Variants in WDPCP observed in about 807,000 individuals in gnomAD.
The protein encoded by WDPCP is WD repeat containing planar cell polarity effector.
A neutral mutation model predicts 93.1 loss-of-function variants in WDPCP; 71 were observed. The observed-to-expected ratio is 0.76, with a 90% CI of 0.63 to 0.93. The LOEUF (loss-of-function observed/expected upper bound fraction) is 0.93. Ranked by LOEUF, WDPCP falls within the 40% of genes least tolerant of loss-of-function variation. WDPCP has a pLI of 0.00. For missense variants in WDPCP, 844 were observed against 887.4 expected (o/e 0.95, Z 0.62); for synonymous variants, 315 against 315.0 (o/e 1.00, Z 0.00).
At chr2:63,381,184 CTT>C (rs2104890140) in intron 11 of WDPCP, among the ~76,000 whole-genome samples, 1 of 152,146 alleles carries the variant, frequency 6.6e-6, no homozygotes, top group Non-Finnish European at 1.5e-5. Flanking sequence ...AAGTAAATAA[CTT>C]ATAAGAAAAA....
At chr2:63,147,849 A>G (rs1671626589) in intron 17 of WDPCP, among the ~76,000 whole-genome samples, 2 of 151,594 alleles carry the variant, frequency 1.3e-5, no homozygotes, top group African/African-American at 4.8e-5. Flanking sequence ...CGTGCCTGTT[A>G]TCTCAGCTAC....
intron 2 of WDPCP, among the ~76,000 whole-genome samples, chr2:63,746,800 T>C (rs372914100): frequency 1.3e-5 from 2 of 152,196 alleles, no homozygotes; most frequent in South Asian, 4.1e-4. Context: ...CAGCGGGACA[T>C]GGAAGTTCAT....
chr2:63,179,289 G>T (rs778013033), intron 14 of WDPCP, among the ~76,000 whole-genome samples: 19 of 151,736 alleles, frequency 1.3e-4, no homozygotes, highest in Admixed American at 3.3e-4. Flanking sequence ...GGCTATACAT[G>T]CATGATGCTG....
chr2:63,591,915 T>C (rs1231761299), upstream of WDPCP, among the ~76,000 whole-genome samples: 1 of 152,230 alleles, frequency 6.6e-6, no homozygotes, highest in African/African-American at 2.4e-5. Context: ...GCTATTATTA[T>C]CTCCATTTTA....
At chr2:63,656,117 C>G (rs548973188) in intron 2 of WDPCP, among the ~76,000 whole-genome samples, 1 of 152,178 alleles carries the variant, frequency 6.6e-6, no homozygotes, top group Admixed American at 6.5e-5. Flanking sequence ...ACTTAGAATG[C>G]AGGTACTTGG....
chr2:63,346,065 A>T (rs1689170635), intron 12 of WDPCP, among the ~76,000 whole-genome samples: 1 of 152,168 alleles, frequency 6.6e-6, no homozygotes, highest in African/African-American at 2.4e-5. Context: ...CTGGAATGGA[A>T]AACTGGGTAA....
chr2:63,644,090 T>C (rs2106634510), intron 3 of WDPCP: 1 of 352,414 alleles, frequency 2.8e-6, no homozygotes, highest in Non-Finnish European at 5.6e-6. Context: ...CTTTTTAATC[T>C]GGTTTGTTAG....
intron 17 of WDPCP, among the ~76,000 whole-genome samples, chr2:63,142,489 A>G (rs1189741165): frequency 6.6e-6 from 1 of 152,122 alleles, no homozygotes; most frequent in Non-Finnish European, 1.5e-5. Context: ...TTCCACTGTG[A>G]TCTGAGAGCG....
chr2:63,384,176 A>C (rs533094292), intron 10 of WDPCP, among the ~76,000 whole-genome samples: 3 of 152,274 alleles, frequency 2.0e-5, no homozygotes, highest in African/African-American at 7.2e-5. Flanking sequence ...AATAATAAAG[A>C]CAGTAAATAG....
intron 12 of WDPCP, chr2:63,378,125 T>C (rs1473091407): frequency 2.9e-5 from 13 of 451,382 alleles, no homozygotes; most frequent in South Asian, 2.4e-4. Context: ...TATTTCTACA[T>C]TGACTTTACA....
chr2:63,583,764 A>G (rs941703868), intron 1 of WDPCP, among the ~76,000 whole-genome samples: 2 of 152,098 alleles, frequency 1.3e-5, no homozygotes, highest in Non-Finnish European at 2.9e-5. Flanking sequence ...ATTCTCTCTC[A>G]AATTTGTTGT....
At chr2:63,705,307 G>T (rs1669131094) in intron 2 of WDPCP, among the ~76,000 whole-genome samples, 1 of 152,108 alleles carries the variant, frequency 6.6e-6, no homozygotes, top group African/African-American at 2.4e-5. Flanking sequence ...CTTCAGTTCT[G>T]CTCTGATCTT....
At chr2:63,302,465 T>C (rs1685404300) in intron 13 of WDPCP, among the ~76,000 whole-genome samples, 1 of 152,336 alleles carries the variant, frequency 6.6e-6, no homozygotes, top group South Asian at 2.1e-4. Context: ...AAATGGCTTC[T>C]CTTTTATAAT....
intron 15 of WDPCP, among the ~76,000 whole-genome samples, chr2:63,172,607 C>A (rs1232659892): frequency 2.0e-5 from 3 of 150,278 alleles, no homozygotes; most frequent in African/African-American, 4.9e-5. Context: ...ATTTTATAAA[C>A]AATACAGAAC....
intron 14 of WDPCP, among the ~76,000 whole-genome samples, chr2:63,223,050 G>T (rs1345417490): frequency 1.3e-5 from 2 of 151,716 alleles, no homozygotes; most frequent in African/African-American, 2.4e-5. Flanking sequence ...AGATAAAATG[G>T]GTATAATCTT....
chr2:63,585,088 T>C (rs969937862), intron 1 of WDPCP, among the ~76,000 whole-genome samples: 1 of 152,216 alleles, frequency 6.6e-6, no homozygotes, highest in Non-Finnish European at 1.5e-5. Context: ...TCCAGTCAAA[T>C]GTTATAGTTT....
At chr2:63,189,791 T>G (rs1289383956) in intron 14 of WDPCP, among the ~76,000 whole-genome samples, 1 of 152,172 alleles carries the variant, frequency 6.6e-6, no homozygotes, top group African/African-American at 2.4e-5. Context: ...AGTACTATTT[T>G]AAGGATGAAA....
At position 63,543,208 on chromosome 2, in the gene WDPCP, G is replaced by C. The variant is rs143263328; in HGVS notation, c.75+44989C>G. ...TGAAGTACAAAAATCAGTTTTGTAT[G>C]ACTCTGCATCTGAGAGAGCATTATC... On this transcript the variant is annotated intron_variant, in intron 1 of 17. Transcript: ENST00000272321. Among the ~76,000 whole-genome samples, 160 of 152,192 alleles carry C rather than the reference G, an allele frequency of 1.1e-3. 1 individual carries two copies. Among genetic ancestry groups the C allele is most frequent in the African/African-American group, 3.8e-3 (158 of 41,546 alleles).
At chr2:63,505,673 T>C (rs1267626109) in intron 1 of WDPCP, among the ~76,000 whole-genome samples, 1 of 152,078 alleles carries the variant, frequency 6.6e-6, no homozygotes, top group Non-Finnish European at 1.5e-5. Context: ...TTCATGAACA[T>C]TCAATATCCT....
Sources: allele counts gnomAD v4.1 joint callset (sites outside exome capture counted in the v4.1 genomes callset), GRCh38; gene constraint gnomAD v4.1.1; transcripts MANE v1.5; gene names NCBI Gene and HGNC (gene_info 2026-07-23, HGNC 2026-07-21).